METTL21A: variants seen among roughly 807,000 people sequenced by gnomAD.
METTL21A encodes protein N-lysine methyltransferase METTL21A.
METTL21A carries 22 observed loss-of-function variants against 20.9 expected under a neutral mutation model. The ratio of observed to expected loss-of-function variants is 1.05; its 90% CI spans 0.75 to 1.50. The LOEUF is 1.50. Among genes scored for constraint, METTL21A ranks in the 40% most tolerant of loss-of-function variants. The pLI is 0.00. For synonymous variants in METTL21A, 93 were observed against 102.0 expected, an observed-to-expected ratio of 0.91 and a Z score of 0.53; for missense variants, 271 against 266.8, an observed-to-expected ratio of 1.02 and a Z score of -0.11.
intron 3 of METTL21A, among the ~76,000 whole-genome samples, chr2:207,621,049 CA>C (rs1165669328): frequency 1.3e-5 from 2 of 152,286 alleles, no homozygotes; most frequent in Non-Finnish European, 2.9e-5. Context: ...TGCATTTTAA[CA>C]AGAGCACCAG....
chr2:207,613,380 G>A (rs767507446), exon 4 of METTL21A: 2 of 1,609,608 alleles, frequency 1.2e-6, no homozygotes, highest in Admixed American at 3.4e-5. Flanking sequence ...AGGTAAGTTG[G>A]CTTGAACGTT....
At chr2:207,584,720 G>A (rs1396677194) in intron 3 of METTL21A, among the ~76,000 whole-genome samples, 5 of 152,072 alleles carry the variant, frequency 3.3e-5, no homozygotes, top group Non-Finnish European at 7.4e-5. Context: ...TGACTTTTAT[G>A]TGATTTGCTA....
chr2:207,602,508 C>G (rs968656282), intron 3 of METTL21A: 1 of 207,370 alleles, frequency 4.8e-6, no homozygotes, highest in African/African-American at 2.3e-5. Flanking sequence ...AGAAGTATGG[C>G]ATTTCCAAGC....
chr2:207,621,765 A>C, intron 3 of METTL21A, 41 bp downstream of exon 3: 1 of 1,534,952 alleles, frequency 6.5e-7, no homozygotes, highest in Non-Finnish European at 9.0e-7. Flanking sequence ...TGCACCTCTC[A>C]ATGAGTTCTG....
At chr2:207,583,506 T>G (rs963299196) in intron 3 of METTL21A, among the ~76,000 whole-genome samples, 3 of 152,216 alleles carry the variant, frequency 2.0e-5, no homozygotes, top group African/African-American at 7.2e-5. Flanking sequence ...TATACACTTC[T>G]TTTTGTTTTT....
At chr2:207,598,108 C>G (rs2086467900) in intron 3 of METTL21A, 1 of 180,108 alleles carries the variant, frequency 5.6e-6, no homozygotes, top group Non-Finnish European at 1.2e-5. Flanking sequence ...TAGAAAAATA[C>G]TGATTTTAAA....
chr2:207,587,624 A>C (rs1249836149), intron 3 of METTL21A, among the ~76,000 whole-genome samples: 1 of 152,182 alleles, frequency 6.6e-6, no homozygotes, highest in Non-Finnish European at 1.5e-5. Flanking sequence ...AAAAGAATGA[A>C]AATACATCAT....
chr2:207,617,512 G>T (rs992617112), intron 3 of METTL21A, among the ~76,000 whole-genome samples: 7 of 152,234 alleles, frequency 4.6e-5, no homozygotes, highest in Non-Finnish European at 8.8e-5. Context: ...TGTGTCCCAG[G>T]AACTTCATGC....
intron 3 of METTL21A, chr2:207,620,899 T>C: frequency 2.4e-6 from 1 of 415,336 alleles, no homozygotes; most frequent in Non-Finnish European, 4.3e-6. Context: ...GCGATGGGTT[T>C]AGAATACTCT....
chr2:207,606,435 T>C (rs928692914), downstream of METTL21A, among the ~76,000 whole-genome samples: 8 of 152,322 alleles, frequency 5.3e-5, no homozygotes, highest in African/African-American at 1.9e-4. Flanking sequence ...TGAGCCGAGA[T>C]TGCGCCATTG....
chr2:207,621,458 G>GA lies in METTL21A; in HGVS notation c.259+347dup, dbSNP rs548564577. ...TATGGGAAAGAAAGCCCCTGAATGT[G>GA]AAAAAAACTCTATACATGGGTAAGA... is the stretch of plus-strand genomic sequence containing the variant. On this transcript the variant is annotated intron_variant, in intron 3 of 3. Coordinates refer to ENST00000406927, the Ensembl canonical transcript of METTL21A. 7.0e-4 allele frequency among the ~76,000 whole-genome samples: 107 copies of GA among 152,212 alleles called. 1 individual carries two copies. The East Asian group carries it at 0.016, about 22-fold the overall frequency.
chr2:207,609,691 A>G (rs2088645206), downstream of METTL21A: 2 of 152,250 alleles, frequency 1.3e-5, 1 homozygote, highest in South Asian at 4.1e-4. Context: ...AGCTTGGGAA[A>G]GAACTGCATT....
intron 3 of METTL21A, chr2:207,597,158 T>C (rs780243458): frequency 4.1e-5 from 55 of 1,325,900 alleles, no homozygotes; most frequent in Non-Finnish European, 5.3e-5. Flanking sequence ...CATTTCTTTT[T>C]TTCTATGCGC....
At chr2:207,584,172 G>A (rs1574928428) in intron 3 of METTL21A, among the ~76,000 whole-genome samples, 1 of 152,160 alleles carries the variant, frequency 6.6e-6, no homozygotes, top group African/African-American at 2.4e-5. Flanking sequence ...AAATATCTAG[G>A]AGTAGGCTGG....
chr2:207,604,648 T>C (rs1347146259), downstream of METTL21A, among the ~76,000 whole-genome samples: 2 of 152,162 alleles, frequency 1.3e-5, no homozygotes, highest in African/African-American at 4.8e-5. Flanking sequence ...AATTAAGTGG[T>C]AGTACATCCA....
chr2:207,601,263 T>G (rs1265690737), intron 3 of METTL21A: 1 of 185,556 alleles, frequency 5.4e-6, no homozygotes, highest in Non-Finnish European at 1.1e-5. Context: ...TTGCACTTTT[T>G]TAAATGACCC....
chr2:207,598,643 T>G (rs1276649755), intron 3 of METTL21A: 1 of 167,466 alleles, frequency 6.0e-6, no homozygotes, highest in African/African-American at 2.4e-5. Context: ...GGTCAAGAGT[T>G]CAAGACCAGC....
intron 3 of METTL21A, among the ~76,000 whole-genome samples, chr2:207,617,866 A>G (rs146892765): frequency 2.2e-3 from 341 of 152,170 alleles, no homozygotes; most frequent in Non-Finnish European, 3.5e-3. Context: ...TGGGACTCCA[A>G]GGGGTAGGGG....
intron 3 of METTL21A, chr2:207,602,153 C>T (rs1267448867): frequency 5.1e-6 from 1 of 197,914 alleles, no homozygotes. Flanking sequence ...GGCAGACCGA[C>T]TTTAAGAGGG....
Sources: allele counts gnomAD v4.1 joint callset (sites outside exome capture counted in the v4.1 genomes callset), GRCh38; gene constraint gnomAD v4.1.1; transcripts MANE v1.5; gene names NCBI Gene and HGNC (gene_info 2026-07-23, HGNC 2026-07-21).